Variants in HAAO observed in about 807,000 individuals in gnomAD.
The protein encoded by HAAO is 3-hydroxyanthranilate oxygenase.
HAAO carries 49 observed loss-of-function variants against 46.2 expected under a neutral mutation model. That is an observed-to-expected ratio of 1.06 (90% CI 0.84 to 1.34). The LOEUF (loss-of-function observed/expected upper bound fraction) is 1.34. HAAO is among the 40% of genes most tolerant of loss of function. The pLI, the probability that HAAO is intolerant of heterozygous loss-of-function variation, is 0.00. For synonymous variants in HAAO, 157 were observed against 145.2 expected (o/e 1.08, Z -0.58); for missense variants, 408 against 364.5 (o/e 1.12, Z -0.97).
rs545886897 is a variant in HAAO at position 42,768,184 on chromosome 2, C to G, written c.631-256G>C. Among the ~76,000 whole-genome samples, 207 of 152,356 alleles carry G rather than the reference C, an allele frequency of 1.4e-3. 1 individual carries two copies. The highest frequency in any genetic ancestry group is 4.6e-3 in the African/African-American group (192 of 41,572). On this transcript the variant is annotated intron_variant, in intron 7 of 9. Coordinates refer to ENST00000294973, the MANE Select transcript of HAAO (RefSeq NM_012205.3). ...TTCACGTGCAGTGCACCCGTGGTCCCTCTGATGTGTGCTCATGCGAAGGCA... is the reference window on the plus strand; with the variant it reads ...TTCACGTGCAGTGCACCCGTGGTCCGTCTGATGTGTGCTCATGCGAAGGCA...
chr2:42,791,791 T>C (rs961619611), intron 1 of HAAO, among the ~76,000 whole-genome samples: 1 of 151,972 alleles, frequency 6.6e-6, no homozygotes, highest in Admixed American at 6.5e-5. Flanking sequence ...ACTGGGGGGA[T>C]GAGGGAGGTG....
At chr2:42,767,548 G>C in intron 9 of HAAO, 33 bp from the exon 10 acceptor site, 1 of 1,596,962 alleles carries the variant, frequency 6.3e-7, no homozygotes, top group Non-Finnish European at 8.6e-7. Flanking sequence ...GGATCACACA[G>C]AGTTGGACCC....
chr2:42,789,788 T>C (rs1176214034), intron 1 of HAAO, among the ~76,000 whole-genome samples: 1 of 152,162 alleles, frequency 6.6e-6, no homozygotes, highest in Non-Finnish European at 1.5e-5. Context: ...GGTGTGGTGT[T>C]ACCTTTTTAT....
chr2:42,792,334 G>C (rs1573968582), intron 1 of HAAO, 123 bp downstream of exon 1: 1 of 535,546 alleles, frequency 1.9e-6, no homozygotes, highest in East Asian at 3.3e-5. Flanking sequence ...CAAGAACCAA[G>C]AGATTAAAGC....
At position 42,788,448 on chromosome 2, in the gene HAAO, C is replaced by T; in HGVS notation, c.159+81G>A. On this transcript the variant is annotated intron_variant, in intron 2 of 9. Coordinates refer to ENST00000294973, the MANE Select transcript of HAAO (RefSeq NM_012205.3). ...CCTCTCCAGTCCATCATCTCTGGGCCTCGAGTGGGAAGCGCCCCCTCCCGC... is the reference window on the plus strand; with the variant it reads ...CCTCTCCAGTCCATCATCTCTGGGCTTCGAGTGGGAAGCGCCCCCTCCCGC... 4.6e-6 allele frequency: 4 copies of T among 878,450 alleles called. No homozygotes were observed. In the South Asian group the frequency reaches 5.3e-5, roughly 12 times the overall value. 54.4% of individuals were successfully genotyped at this position (878,450 alleles called of 1,614,324 possible).
At chr2:42,786,068 TG>T (rs1672364316) in intron 2 of HAAO, among the ~76,000 whole-genome samples, 1 of 125,482 alleles carries the variant, frequency 8.0e-6, no homozygotes, top group Non-Finnish European at 1.7e-5. Flanking sequence ...TGTGTGTGTG[TG>T]TCTAGGGACC....
At chr2:42,770,005 C>T (rs1475628224) in intron 6 of HAAO, 138 bp downstream of exon 6, 2 of 1,096,550 alleles carry the variant, frequency 1.8e-6, no homozygotes, top group Non-Finnish European at 2.7e-6. Flanking sequence ...TGGGAGGTAC[C>T]ATTGGCTGCC....
intron 4 of HAAO, chr2:42,782,900 C>G: frequency 2.2e-6 from 1 of 461,176 alleles, no homozygotes; most frequent in Non-Finnish European, 4.4e-6. Flanking sequence ...ATGTATAAAG[C>G]CGAGCTGTGC....
At chr2:42,786,433 T>C (rs1672388894) in intron 2 of HAAO, among the ~76,000 whole-genome samples, 1 of 152,162 alleles carries the variant, frequency 6.6e-6, no homozygotes, top group South Asian at 2.1e-4. Context: ...CTTTCTGACC[T>C]GGAAAGGCCT....
At chr2:42,769,964 CTG>C in intron 6 of HAAO, 106 bp from the exon 7 acceptor site, 1 of 1,272,954 alleles carries the variant, frequency 7.9e-7, no homozygotes, top group East Asian at 2.3e-5. Context: ...AGAACAGGCT[CTG>C]TATCCAGCTC....
intron 1 of HAAO, among the ~76,000 whole-genome samples, chr2:42,791,885 A>T (rs1672825871): frequency 6.9e-6 from 1 of 145,948 alleles, no homozygotes; most frequent in Non-Finnish European, 1.5e-5. Context: ...CTGCAGGCAG[A>T]GGCTACTGGC....
rs763488725 is a variant in HAAO at position 42,767,939 on chromosome 2, G to T, written c.631-11C>A. The T allele has an allele frequency of 2.5e-6, 4 of 1,612,826 alleles. No individual in the cohort carries two copies. The highest frequency in any genetic ancestry group is 1.3e-5 in the African/African-American group (1 of 74,928). On this transcript the variant is annotated splice_polypyrimidine_tract_variant and intron_variant, in intron 7 of 9. Coordinates refer to ENST00000294973, the MANE Select transcript of HAAO (RefSeq NM_012205.3). ...CCCATAGGCGATCACCTGGTGGGAG[G>T]TGAAACAGAAACTTCTGGTGCTTCT...
At chr2:42,783,746 G>A (rs552700710) in intron 3 of HAAO, 38 bp downstream of exon 3, 10 of 1,558,546 alleles carry the variant, frequency 6.4e-6, no homozygotes, top group African/African-American at 2.7e-5. Context: ...AGCTGTGGCC[G>A]CCTTTCTCTT....
chr2:42,782,078 TGG>T (rs1391016376), intron 4 of HAAO, among the ~76,000 whole-genome samples: 1 of 152,226 alleles, frequency 6.6e-6, no homozygotes, highest in African/African-American at 2.4e-5. Context: ...TTCTGTGATT[TGG>T]ACTGAATTCT....
intron 4 of HAAO, among the ~76,000 whole-genome samples, chr2:42,778,831 C>A (rs924000786): frequency 6.6e-6 from 1 of 150,890 alleles, no homozygotes; most frequent in African/African-American, 2.4e-5. Context: ...CAGTTTCTCG[C>A]TGGGTGTGGT....
At chr2:42,776,231 CTTTT>C (rs57398023) in intron 4 of HAAO, among the ~76,000 whole-genome samples, 1 of 71,198 alleles carries the variant, frequency 1.4e-5, no homozygotes, top group Non-Finnish European at 2.5e-5. Flanking sequence ...TGGCATCCAT[CTTTT>C]TTTTTTTTTT....
intron 2 of HAAO, 60 bp from the exon 3 acceptor site, chr2:42,783,927 T>C (rs1321974703): frequency 1.9e-6 from 3 of 1,563,760 alleles, no homozygotes; most frequent in African/African-American, 1.4e-5. Flanking sequence ...CCTTGGCCAC[T>C]GCCCAGGCCC....
At chr2:42,780,911 CAA>C (rs35424652) in intron 4 of HAAO, among the ~76,000 whole-genome samples, 144 of 130,266 alleles carry the variant, frequency 1.1e-3, no homozygotes, top group Admixed American at 1.2e-3. Flanking sequence ...ACTAAAAATA[CAA>C]AAAAAAAAAA....
intron 4 of HAAO, 184 bp downstream of exon 4, chr2:42,783,130 T>C: frequency 3.4e-6 from 2 of 593,708 alleles, no homozygotes; most frequent in South Asian, 4.0e-5. Flanking sequence ...CACCCCACTC[T>C]ACCCCTCCAC....
Sources: allele counts gnomAD v4.1 joint callset (sites outside exome capture counted in the v4.1 genomes callset), GRCh38; gene constraint gnomAD v4.1.1; transcripts MANE v1.5; gene names NCBI Gene and HGNC (gene_info 2026-07-23, HGNC 2026-07-21).